Variants in BICDL1 observed in about 807,000 individuals in gnomAD.
BICDL1 encodes BICD family like cargo adaptor 1, also known as BICD family-like cargo adapter 1.
In BICDL1, 20 loss-of-function variants were observed where a neutral mutation model predicts 76.8. The ratio of observed to expected loss-of-function variants is 0.26; its 90% confidence interval spans 0.18 to 0.38. The LOEUF (loss-of-function observed/expected upper bound fraction) is 0.38. Ranked by LOEUF, BICDL1 falls within the 10% of genes least tolerant of loss-of-function variation. BICDL1 has a pLI of 1.00. For missense variants in BICDL1, 700 were observed against 798.6 expected (o/e 0.88, Z 1.49); for synonymous variants, 383 against 337.1 (o/e 1.14, Z -1.49).
rs150159362 is a variant in BICDL1 at position 120,061,906 on chromosome 12, G to A, written c.762+80G>A. ...ACAAAAAACTGCTCTATGTAAAAGG[G>A]CCTAAAATCTCTACAGAAAGACATT... On this transcript the variant is annotated intron_variant, in intron 3 of 9. Coordinates refer to ENST00000548673, the MANE Select transcript of BICDL1 (RefSeq NM_001367886.1). 5.8e-5 allele frequency: 51 copies of A among 883,842 alleles called. No individual in the cohort carries two copies. In the East Asian group the frequency reaches 1.2e-3, roughly 20 times the overall value. 54.7% of individuals were successfully genotyped at this position (883,842 alleles called of 1,614,324 possible).
chr12:120,036,616 C>T (rs1408792220), intron 2 of BICDL1, among the ~76,000 whole-genome samples: 1 of 152,168 alleles, frequency 6.6e-6, no homozygotes, highest in African/African-American at 2.4e-5. Flanking sequence ...TGGCTCATGC[C>T]TGTAATCCCA....
At chr12:120,025,112 C>A (rs1342061725) in intron 2 of BICDL1, among the ~76,000 whole-genome samples, 1 of 149,020 alleles carries the variant, frequency 6.7e-6, no homozygotes, top group Non-Finnish European at 1.5e-5. Context: ...TGCAGTGGCG[C>A]GATCTCAGCT....
chr12:120,073,335 C>G (rs755235802), intron 6 of BICDL1, among the ~76,000 whole-genome samples: 13 of 152,220 alleles, frequency 8.5e-5, no homozygotes, highest in Non-Finnish European at 1.9e-4. Context: ...AAGGGCTTTC[C>G]TTGGAAACTT....
chr12:120,087,448 A>G (rs1444425413), intron 8 of BICDL1, among the ~76,000 whole-genome samples: 2 of 152,232 alleles, frequency 1.3e-5, no homozygotes, highest in Admixed American at 6.5e-5. Context: ...GCACTTTGCA[A>G]GTGGGATCCA....
rs192434235 is a variant in BICDL1, at chr12:120,089,068, C to T, written c.1584-883C>T. ...GTGATCACCACTGTGTGGCTATCTTCGCACACCTCTGTATCTTCAGGACAG... is the reference window on the plus strand; with the variant it reads ...GTGATCACCACTGTGTGGCTATCTTTGCACACCTCTGTATCTTCAGGACAG... On this transcript the variant is annotated intron_variant, in intron 8 of 9. Coordinates refer to ENST00000548673, the MANE Select transcript of BICDL1 (RefSeq NM_001367886.1). Among the ~76,000 whole-genome samples the T allele has an allele frequency of 3.6e-4, 55 of 152,344 alleles. No individual in the cohort carries two copies. In the Middle Eastern group the frequency reaches 0.017, roughly 47 times the overall value.
At chr12:120,050,089 GC>G (rs1453712492) in intron 2 of BICDL1, among the ~76,000 whole-genome samples, 1 of 151,934 alleles carries the variant, frequency 6.6e-6, no homozygotes, top group African/African-American at 2.4e-5. Flanking sequence ...GTGCCTATTG[GC>G]CATTCATTTA....
At chr12:120,062,588 T>A (rs1245464860) in intron 3 of BICDL1, among the ~76,000 whole-genome samples, 3 of 152,190 alleles carry the variant, frequency 2.0e-5, no homozygotes, top group Non-Finnish European at 2.9e-5. Flanking sequence ...GACGAAGCGA[T>A]CTGCCATCAT....
intron 1 of BICDL1, among the ~76,000 whole-genome samples, chr12:119,997,034 T>C (rs11064986): frequency 0.29 from 43,776 of 151,194 alleles, 7,402 homozygotes; most frequent in East Asian, 0.48. Flanking sequence ...CTGCAAGCTC[T>C]GCCTCCCGGG....
chr12:120,087,285 G>A (rs1221166696), intron 8 of BICDL1, among the ~76,000 whole-genome samples: 1 of 152,250 alleles, frequency 6.6e-6, no homozygotes, highest in Non-Finnish European at 1.5e-5. Flanking sequence ...GCAGTGGGCG[G>A]GGCTGACGCG....
At chr12:120,089,561 T>G (rs1245318105) in intron 8 of BICDL1, among the ~76,000 whole-genome samples, 1 of 152,036 alleles carries the variant, frequency 6.6e-6, no homozygotes, top group East Asian at 1.9e-4. Flanking sequence ...TTTGTATTTT[T>G]AGTAGAGACA....
At chr12:120,010,738 T>G (rs1326568460) in intron 2 of BICDL1, among the ~76,000 whole-genome samples, 6 of 150,032 alleles carry the variant, frequency 4.0e-5, no homozygotes, top group East Asian at 1.9e-4. Context: ...GGAAAAAGTG[T>G]TTTTTTTTAT....
intron 2 of BICDL1, among the ~76,000 whole-genome samples, chr12:120,048,444 C>G (rs940891169): frequency 6.6e-6 from 1 of 152,124 alleles, no homozygotes; most frequent in East Asian, 1.9e-4. Context: ...TTTTGTAGTT[C>G]ATAAACATGA....
chr12:120,003,142 A>C (rs547450090), intron 2 of BICDL1, among the ~76,000 whole-genome samples: 1 of 143,756 alleles, frequency 7.0e-6, no homozygotes, highest in Non-Finnish European at 1.5e-5. Flanking sequence ...TGGGCAACAG[A>C]GCAAGACCCC....
intron 2 of BICDL1, among the ~76,000 whole-genome samples, chr12:120,018,266 C>T (rs556458603): frequency 1.3e-5 from 2 of 152,322 alleles, no homozygotes; most frequent in South Asian, 4.1e-4. Flanking sequence ...AATTACCATT[C>T]TAACGTGAAA....
intron 4 of BICDL1, among the ~76,000 whole-genome samples, chr12:120,065,652 C>G (rs951304204): frequency 6.6e-6 from 1 of 152,190 alleles, no homozygotes; most frequent in African/African-American, 2.4e-5. Flanking sequence ...CTTTGGCATT[C>G]TCTGTGCATG....
At chr12:120,030,495 A>G (rs1952399934) in intron 2 of BICDL1, among the ~76,000 whole-genome samples, 1 of 152,192 alleles carries the variant, frequency 6.6e-6, no homozygotes, top group Non-Finnish European at 1.5e-5. Context: ...GTGCTTTAAG[A>G]TTTACAAAAA....
rs1436804518 is a variant in BICDL1, at chr12:120,094,138, T to TGCCTGCAGAA, written c.*986_*995dup. The TGCCTGCAGAA allele has an allele frequency of 4.1e-5, 18 of 440,624 alleles. No individual in the cohort carries two copies. In the East Asian group the frequency reaches 1.3e-3, roughly 31 times the overall value. 27.3% of individuals were successfully genotyped at this position (440,624 alleles called of 1,614,324 possible). On this transcript the variant is annotated 3_prime_UTR_variant, in exon 10 of 10. Coordinates refer to ENST00000548673, the MANE Select transcript of BICDL1 (RefSeq NM_001367886.1). Reference sequence around the variant, plus strand: ...CGGAAGCCTCCAGATGCTGCCTGCCTGCCTGCAGAAGCCTGCAGTGGCTGC... The same window carrying TGCCTGCAGAA: ...CGGAAGCCTCCAGATGCTGCCTGCCTGCCTGCAGAAGCCTGCAGAAGCCTGCAGTGGCTGC...
chr12:120,078,721 C>A (rs3759398), intron 7 of BICDL1, among the ~76,000 whole-genome samples: 1 of 152,214 alleles, frequency 6.6e-6, no homozygotes, highest in East Asian at 1.9e-4. Flanking sequence ...GGCTGTAACT[C>A]GACCAGGTTT....
At chr12:119,991,278 A>G (rs1951517635) in intron 1 of BICDL1, among the ~76,000 whole-genome samples, 1 of 152,222 alleles carries the variant, frequency 6.6e-6, no homozygotes, top group African/African-American at 2.4e-5. Flanking sequence ...AGACAATAGT[A>G]CAGACCTGAA....
Sources: gnomAD v4.1 joint callset for allele counts (sites outside exome capture counted in the v4.1 genomes callset) on GRCh38, gnomAD v4.1.1 for gene constraint, MANE v1.5 for transcripts, NCBI Gene and HGNC (gene_info 2026-07-23, HGNC 2026-07-21) for gene names.